Variants in MYH10 observed in about 807,000 individuals in gnomAD.
MYH10 encodes myosin-10.
In MYH10, 55 loss-of-function variants were observed where a neutral mutation model predicts 257.8. The ratio of observed to expected loss-of-function variants is 0.21; its 90% CI spans 0.17 to 0.27. The LOEUF (loss-of-function observed/expected upper bound fraction) is 0.27, where lower values mean the gene tolerates loss of function less well. Among genes scored for constraint, MYH10 ranks in the 10% least tolerant of loss-of-function variants. The pLI, the probability that MYH10 is intolerant of heterozygous loss-of-function variation, is 1.00. For missense variants in MYH10, 1,631 were observed against 2,500.6 expected, an observed-to-expected ratio of 0.65 and a Z score of 7.42; for synonymous variants, 854 against 921.7, an observed-to-expected ratio of 0.93 and a Z score of 1.33.
At chr17:8,531,588 G>A (rs1334219168) in intron 16 of MYH10, among the ~76,000 whole-genome samples, 2 of 143,250 alleles carry the variant, frequency 1.4e-5, no homozygotes, top group Non-Finnish European at 1.5e-5. Context: ...ACAGGGTCTC[G>A]CTGTGTTGCC....
chr17:8,587,561 T>G (rs1333554112), intron 4 of MYH10, among the ~76,000 whole-genome samples: 1 of 152,134 alleles, frequency 6.6e-6, no homozygotes. Flanking sequence ...ATCTGCCTCC[T>G]TGGCCCGTCA....
chr17:8,584,997 C>A (rs1223895352), intron 4 of MYH10, among the ~76,000 whole-genome samples: 1 of 151,930 alleles, frequency 6.6e-6, no homozygotes, highest in Non-Finnish European at 1.5e-5. Context: ...GCATGCACCA[C>A]CATGCCCGGC....
chr17:8,559,648 T>C (rs2082920742), intron 7 of MYH10, among the ~76,000 whole-genome samples: 1 of 152,192 alleles, frequency 6.6e-6, no homozygotes, highest in South Asian at 2.1e-4. Flanking sequence ...TGGACCCATA[T>C]GTAATTACAA....
At chr17:8,620,384 T>C (rs554174446) in intron 2 of MYH10, among the ~76,000 whole-genome samples, 144 of 152,276 alleles carry the variant, frequency 9.5e-4, no homozygotes, top group Middle Eastern at 3.4e-3. Context: ...ATATAGAAAC[T>C]TGTGATGTGA....
At chr17:8,554,141 C>A in intron 7 of MYH10, 123 bp from the exon 8 acceptor site, 3 of 601,080 alleles carry the variant, frequency 5.0e-6, no homozygotes, top group Non-Finnish European at 8.6e-6. Flanking sequence ...TTATATATTG[C>A]CTCAAACAAA....
At chr17:8,515,260 A>G (rs2081427856) in intron 21 of MYH10, among the ~76,000 whole-genome samples, 1 of 152,226 alleles carries the variant, frequency 6.6e-6, no homozygotes, top group African/African-American at 2.4e-5. Flanking sequence ...TGGAAAAAAT[A>G]AGAAAAACAT....
intron 6 of MYH10, among the ~76,000 whole-genome samples, chr17:8,570,507 G>GA (rs1422822299): frequency 6.6e-6 from 1 of 152,162 alleles, no homozygotes; most frequent in Non-Finnish European, 1.5e-5. Context: ...AAACACAATA[G>GA]AAAGCTGTAT....
At chr17:8,518,053 A>C (rs2081528615) in intron 21 of MYH10, among the ~76,000 whole-genome samples, 1 of 74,662 alleles carries the variant, frequency 1.3e-5, no homozygotes, top group Admixed American at 1.3e-4. Context: ...TGTGTGTGAG[A>C]AGCATTCTCT....
intron 2 of MYH10, among the ~76,000 whole-genome samples, chr17:8,611,634 A>C (rs1441791825): frequency 3.9e-5 from 6 of 152,210 alleles, no homozygotes; most frequent in Non-Finnish European, 5.9e-5. Context: ...TCATGTGTTA[A>C]ACAGCAAGCT....
intron 37 of MYH10, among the ~76,000 whole-genome samples, chr17:8,483,459 T>C (rs991110773): frequency 6.6e-6 from 1 of 152,240 alleles, no homozygotes; most frequent in Non-Finnish European, 1.5e-5. Flanking sequence ...CCGTCCTCCT[T>C]TCTTGCAAGC....
rs370956724 is a variant in MYH10, at chr17:8,513,905, A to G, written c.2505-11T>C. On this transcript the variant is annotated splice_polypyrimidine_tract_variant and intron_variant, in intron 21 of 42. Transcript: ENST00000360416. ...TTCTTGGCAAAGGCCCTGAAGAACA[A>G]TAAGAAAAACTTATGATGTAAAGAA... 4.3e-5 allele frequency: 69 copies of G among 1,610,114 alleles called. No individual in the cohort carries two copies. The highest frequency in any genetic ancestry group is 1.7e-4 in the Middle Eastern group (1 of 6,054).
chr17:8,566,895 TTAG>T (rs1296843000), intron 7 of MYH10, among the ~76,000 whole-genome samples: 6 of 152,170 alleles, frequency 3.9e-5, no homozygotes, highest in Admixed American at 2.0e-4. Flanking sequence ...AAATGACGGC[TTAG>T]TAGCAATTTA....
chr17:8,538,261 G>A (rs1164208342), intron 14 of MYH10, among the ~76,000 whole-genome samples: 1 of 152,130 alleles, frequency 6.6e-6, no homozygotes, highest in Non-Finnish European at 1.5e-5. Context: ...GCTGGAGTGT[G>A]GTCACGCGAT....
At chr17:8,566,782 A>G (rs12937386) in intron 7 of MYH10, among the ~76,000 whole-genome samples, 76,685 of 152,162 alleles carry the variant, frequency 0.5, 20,302 homozygotes, top group Middle Eastern at 0.62. Flanking sequence ...ATATAGAATT[A>G]TATCTGTCCA....
At chr17:8,611,401 C>G (rs2085034251) in intron 2 of MYH10, among the ~76,000 whole-genome samples, 1 of 152,200 alleles carries the variant, frequency 6.6e-6, no homozygotes, top group Non-Finnish European at 1.5e-5. Flanking sequence ...CAAGTTGTGG[C>G]TGAAATCCAA....
chr17:8,539,110 C>G (rs1290771009), intron 14 of MYH10, among the ~76,000 whole-genome samples: 1 of 152,144 alleles, frequency 6.6e-6, no homozygotes, highest in East Asian at 1.9e-4. Flanking sequence ...CAAGAGTCCC[C>G]ACCAGCAAGA....
Position 8,545,712 on chromosome 17 carries a change from T to C in MYH10, c.1279-112A>G. On this transcript the variant is annotated intron_variant, in intron 12 of 42. Coordinates refer to ENST00000360416, the MANE Select transcript of MYH10 (RefSeq NM_001256012.3). The surrounding 1 kb of genome is among the most constrained non-coding windows in gnomAD (Gnocchi z 4.7). ...GCACTCAAAAAACCTGAGATGGCAT[T>C]CACTGCTTAATCATGTCTCAATTTT... 1 of 980,974 alleles carries C rather than the reference T, an allele frequency of 1.0e-6. No individual in the cohort carries two copies. Among genetic ancestry groups the C allele is most frequent in the Non-Finnish European group, 1.5e-6 (1 of 673,338 alleles). 60.8% of individuals were successfully genotyped at this position (980,974 alleles called of 1,614,324 possible). A position where few individuals can be genotyped will look rare whatever the true frequency, so the allele number is the denominator to read the frequency against.
At chr17:8,512,335 C>T (rs2151880703) in intron 24 of MYH10, 116 bp downstream of exon 24, 1 of 782,298 alleles carries the variant, frequency 1.3e-6, no homozygotes, top group African/African-American at 1.8e-5. Context: ...TTCTCATAAC[C>T]CAGAACCCTT....
chr17:8,609,064 G>A (rs1484639529), intron 2 of MYH10, among the ~76,000 whole-genome samples: 1 of 152,178 alleles, frequency 6.6e-6, no homozygotes, highest in East Asian at 1.9e-4. Context: ...GCCCGCCTTG[G>A]CCTCCCAAAG....
Sources: gnomAD v4.1 joint callset for allele counts (sites outside exome capture counted in the v4.1 genomes callset) on GRCh38, gnomAD v4.1.1 for gene constraint, Gnocchi (gnomAD v3.1) non-coding constraint, MANE v1.5 for transcripts, NCBI Gene and HGNC (gene_info 2026-07-23, HGNC 2026-07-21) for gene names.